SUGCT: variants seen among roughly 807,000 people sequenced by gnomAD.
The protein encoded by SUGCT is succinyl-CoA:glutarate CoA-transferase.
A neutral mutation model predicts 55.0 loss-of-function variants in SUGCT; 41 were observed. The ratio of observed to expected loss-of-function variants is 0.74; its 90% CI spans 0.58 to 0.97. SUGCT has a LOEUF of 0.97. Among genes scored for constraint, SUGCT ranks in the 50% least tolerant of loss-of-function variants. SUGCT has a pLI of 0.00. For synonymous variants in SUGCT, 187 were observed against 200.4 expected, an observed-to-expected ratio of 0.93 and a Z score of 0.56; for missense variants, 568 against 547.8, an observed-to-expected ratio of 1.04 and a Z score of -0.37.
chr7:40,426,239 G>A (rs1042446749), intron 9 of SUGCT, among the ~76,000 whole-genome samples: 3 of 152,094 alleles, frequency 2.0e-5, no homozygotes, highest in African/African-American at 7.2e-5. Flanking sequence ...TGGAGAAACT[G>A]AGGCAGAAAC....
At chr7:40,453,416 AATCCT>A (rs1286047707) in intron 10 of SUGCT, among the ~76,000 whole-genome samples, 1 of 152,226 alleles carries the variant, frequency 6.6e-6, no homozygotes, top group Non-Finnish European at 1.5e-5. Flanking sequence ...TTGACAAAGC[AATCCT>A]TGATGTTGTT....
intron 12 of SUGCT, among the ~76,000 whole-genome samples, chr7:40,519,426 G>A (rs545414281): frequency 1.4e-4 from 22 of 151,924 alleles, no homozygotes; most frequent in African/African-American, 5.3e-4. Context: ...GAGTACATAG[G>A]AACCCTTTGT....
chr7:40,803,775 A>C (rs1031107727), intron 13 of SUGCT, among the ~76,000 whole-genome samples: 1 of 152,222 alleles, frequency 6.6e-6, no homozygotes, highest in Non-Finnish European at 1.5e-5. Context: ...AGGGTTCTTA[A>C]AATCAGATAA....
the SUGCT span, among the ~76,000 whole-genome samples, chr7:40,971,389 C>G: frequency 2.0e-5 from 3 of 152,086 alleles, no homozygotes. Context: ...CAAACTATAT[C>G]AGGATGTGAA....
intron 12 of SUGCT, among the ~76,000 whole-genome samples, chr7:40,518,542 AATAAAT>A (rs1295273761): frequency 1.5e-4 from 23 of 152,312 alleles, no homozygotes; most frequent in Non-Finnish European, 5.9e-5. Context: ...TAGATGCAGA[AATAAAT>A]ATAGATATGT....
chr7:40,918,436 G>T, the SUGCT span, among the ~76,000 whole-genome samples: 1 of 149,060 alleles, frequency 6.7e-6, no homozygotes, highest in African/African-American at 2.5e-5. Context: ...ACTCCAGTCT[G>T]GGCGACAGAG....
At chr7:40,584,428 T>A (rs935234023) in intron 12 of SUGCT, among the ~76,000 whole-genome samples, 1 of 152,182 alleles carries the variant, frequency 6.6e-6, no homozygotes, top group Non-Finnish European at 1.5e-5. Context: ...TAAGTCTTCA[T>A]TTGAGTAGCT....
intron 13 of SUGCT, among the ~76,000 whole-genome samples, chr7:40,773,571 A>T (rs1438289321): frequency 2.0e-5 from 3 of 152,196 alleles, no homozygotes. Context: ...ATCAATGTAC[A>T]TTTGCTTCAA....
At chr7:40,595,388 C>G (rs540044217) in intron 12 of SUGCT, among the ~76,000 whole-genome samples, 3 of 152,018 alleles carry the variant, frequency 2.0e-5, no homozygotes, top group African/African-American at 4.8e-5. Context: ...TCATTATTGC[C>G]GTGAGCAGAG....
chr7:40,157,205 G>A (rs1209349496), intron 1 of SUGCT, among the ~76,000 whole-genome samples: 1 of 151,978 alleles, frequency 6.6e-6, no homozygotes, highest in Non-Finnish European at 1.5e-5. Flanking sequence ...TTCTCCTGGA[G>A]ACATTTATTT....
intron 7 of SUGCT, among the ~76,000 whole-genome samples, chr7:40,266,395 C>T (rs1791580280): frequency 6.6e-6 from 1 of 151,450 alleles, no homozygotes; most frequent in Non-Finnish European, 1.5e-5. Context: ...GTGATCTGCC[C>T]GCCTCGGCCT....
chr7:40,355,756 T>G (rs1797856301), intron 9 of SUGCT, among the ~76,000 whole-genome samples: 3 of 152,240 alleles, frequency 2.0e-5, no homozygotes, highest in Admixed American at 6.5e-5. Flanking sequence ...GTGTTCCCTA[T>G]CATTAGAATT....
At chr7:41,016,393 T>A in the SUGCT span, among the ~76,000 whole-genome samples, 1 of 152,144 alleles carries the variant, frequency 6.6e-6, no homozygotes, top group Non-Finnish European at 1.5e-5. Context: ...AGATAGCACA[T>A]TACATCCAGG....
the SUGCT span, among the ~76,000 whole-genome samples, chr7:40,895,750 C>T: frequency 6.6e-6 from 1 of 152,060 alleles, no homozygotes; most frequent in Non-Finnish European, 1.5e-5. Context: ...ATAGTAAAAA[C>T]AATCTTGAAC....
chr7:40,321,843 T>C (rs957622419), intron 9 of SUGCT, among the ~76,000 whole-genome samples: 2 of 152,230 alleles, frequency 1.3e-5, no homozygotes, highest in African/African-American at 4.8e-5. Flanking sequence ...TGACAGGCAC[T>C]TAGGTTTATT....
At chr7:40,436,212 G>C (rs914484940) in intron 9 of SUGCT, among the ~76,000 whole-genome samples, 4 of 151,860 alleles carry the variant, frequency 2.6e-5, no homozygotes, top group African/African-American at 9.7e-5. Flanking sequence ...CAAAGTGCTG[G>C]GATTACAGGC....
chr7:40,404,656 C>T (rs1195853046), intron 9 of SUGCT, among the ~76,000 whole-genome samples: 1 of 152,024 alleles, frequency 6.6e-6, no homozygotes, highest in South Asian at 2.1e-4. Context: ...AGGCTGGTCT[C>T]GAACCCCTGA....
chr7:40,322,476 C>G (rs1349372918), intron 9 of SUGCT, among the ~76,000 whole-genome samples: 7 of 152,128 alleles, frequency 4.6e-5, no homozygotes, highest in African/African-American at 1.7e-4. Context: ...AATAGAAGCC[C>G]ACCAGACTGT....
intron 1 of SUGCT, among the ~76,000 whole-genome samples, chr7:40,165,292 A>G (rs747868173): frequency 3.7e-4 from 57 of 152,138 alleles, no homozygotes; most frequent in Non-Finnish European, 1.2e-4. Context: ...AAGGGATGCC[A>G]TGATTCCTGT....
Sources: gnomAD v4.1 joint callset for allele counts (sites outside exome capture counted in the v4.1 genomes callset) on GRCh38, gnomAD v4.1.1 for gene constraint, MANE v1.5 for transcripts, NCBI Gene and HGNC (gene_info 2026-07-23, HGNC 2026-07-21) for gene names.